The following URI1 variants were observed in gnomAD, a reference collection of about 807,000 sequenced individuals.
URI1 encodes the protein unconventional prefoldin RPB5 interactor 1.
URI1 carries 39 observed loss-of-function variants against 60.2 expected under a neutral mutation model. That is an observed-to-expected ratio of 0.65 (90% CI 0.50 to 0.85). The LOEUF (loss-of-function observed/expected upper bound fraction) is 0.85. Ranked by LOEUF, URI1 falls within the 40% of genes least tolerant of loss-of-function variation. The pLI is 0.00. For synonymous variants in URI1, 251 were observed against 236.8 expected (o/e 1.06, Z -0.55); for missense variants, 691 against 665.9 (o/e 1.04, Z -0.42).
In URI1 at chr19:29,956,251, C is replaced by T. The variant is rs1320682606; in HGVS notation, c.117+13587C>T. 1.0e-5 allele frequency: 6 copies of T among 587,764 alleles called. No homozygotes were observed. In the Admixed American group the frequency reaches 1.1e-4, roughly 11 times the overall value. The allele number at this position is 587,764 out of a possible 1,614,324, so 36.4% of individuals were successfully genotyped here. A position where few individuals can be genotyped will look rare whatever the true frequency, so the allele number is the denominator to read the frequency against. ...CTGTCTTCGGCCTCCCAAAATTTTA[C>T]AGGCATGAGCCACGGCGCCTGGCCC... On this transcript the variant is annotated intron_variant, in intron 1 of 10. Transcript: ENST00000392271.
chr19:29,991,720 G>A (rs929190058), intron 4 of URI1, among the ~76,000 whole-genome samples: 1 of 152,172 alleles, frequency 6.6e-6, no homozygotes, highest in Non-Finnish European at 1.5e-5. Context: ...TTATTGTTAA[G>A]TGTGTGTTAG....
Position 29,942,272 on chromosome 19 carries a change from G to A in URI1, c.-276G>A. The stretch of plus-strand genomic sequence containing the variant: ...AGGCGCGGCCGCCACGCGACGCCTG[G>A]CTGGGCCCGCACCGGAGAGGCGTCT... On this transcript the variant is annotated 5_prime_UTR_variant, in exon 1 of 11. Coordinates refer to ENST00000392271, the MANE Select transcript of URI1 (RefSeq NM_003796.3). 1 of 984,788 alleles carries A rather than the reference G, an allele frequency of 1.0e-6. No homozygotes were observed. Among genetic ancestry groups the A allele is most frequent in the African/African-American group, 1.7e-5 (1 of 57,234 alleles). The allele number at this position is 984,788 out of a possible 1,614,324, so 61.0% of individuals were successfully genotyped here.
intron 1 of URI1, among the ~76,000 whole-genome samples, chr19:29,968,911 A>G (rs932579935): frequency 6.6e-6 from 1 of 152,022 alleles, no homozygotes; most frequent in African/African-American, 2.4e-5. Context: ...TTGCTGTGAA[A>G]TAGAAGACAA....
intron 2 of URI1, among the ~76,000 whole-genome samples, chr19:29,977,763 T>C (rs1231167314): frequency 1.3e-5 from 2 of 151,950 alleles, no homozygotes; most frequent in Admixed American, 6.6e-5. Context: ...CGCTAGTGAT[T>C]AAGTGAGTTT....
In URI1 at chr19:29,955,290, G is replaced by T. The variant is rs183015911; in HGVS notation, c.117+12626G>T. ...CCTTATCATATTTTGTGGTTGCATA[G>T]TGCTTTATGTCTGTGTCATCAGATA... On this transcript the variant is annotated intron_variant, in intron 1 of 10. Coordinates refer to ENST00000392271, the MANE Select transcript of URI1 (RefSeq NM_003796.3). Among the ~76,000 whole-genome samples, 479 of 152,118 alleles carry T rather than the reference G, an allele frequency of 3.1e-3. 1 individual carries two copies. Among genetic ancestry groups the T allele is most frequent in the African/African-American group, 0.011 (466 of 41,518 alleles).
rs2056077288 is a variant in URI1 at position 30,015,660 on chromosome 19, G to C, written c.*591G>C. On this transcript the variant is annotated 3_prime_UTR_variant, in exon 11 of 11. Coordinates refer to ENST00000392271, the MANE Select transcript of URI1 (RefSeq NM_003796.3). Reference sequence around the variant, plus strand: ...GAAAATTTCTTTGGAAAGATATTTTGTAAAACTTTTTTTTCCAAGTAAAAA... The same window carrying C: ...GAAAATTTCTTTGGAAAGATATTTTCTAAAACTTTTTTTTCCAAGTAAAAA... 5 of 1,395,322 alleles carry C rather than the reference G, an allele frequency of 3.6e-6. No homozygotes were observed. Among genetic ancestry groups the C allele is most frequent in the Non-Finnish European group, 4.8e-6 (5 of 1,044,754 alleles). 86.4% of individuals were successfully genotyped at this position (1,395,322 alleles called of 1,614,324 possible).
intron 1 of URI1, among the ~76,000 whole-genome samples, chr19:29,945,744 T>C (rs2055095186): frequency 6.6e-6 from 1 of 152,166 alleles, no homozygotes; most frequent in African/African-American, 2.4e-5. Context: ...ACAGTATGTA[T>C]AGGGTGGTTC....
chr19:29,934,606 G>A (rs2054952507), intron 1 of URI1, among the ~76,000 whole-genome samples: 1 of 152,216 alleles, frequency 6.6e-6, no homozygotes, highest in Admixed American at 6.5e-5. Flanking sequence ...TGAGCTCATA[G>A]CTCACTGCAG....
chr19:29,927,207 T>C (rs2145189401), intron 1 of URI1, among the ~76,000 whole-genome samples: 1 of 151,434 alleles, frequency 6.6e-6, no homozygotes, highest in East Asian at 1.9e-4. Context: ...TCACATAGGA[T>C]CACAAATTCC....
intron 4 of URI1, among the ~76,000 whole-genome samples, chr19:29,987,023 G>T (rs2055680248): frequency 6.6e-6 from 1 of 152,016 alleles, no homozygotes; most frequent in African/African-American, 2.4e-5. Flanking sequence ...TTATCTGTAG[G>T]TGTATAGAAG....
intron 1 of URI1, among the ~76,000 whole-genome samples, chr19:29,924,761 CCCTAGGG>C (rs1315504850): frequency 6.6e-6 from 1 of 152,218 alleles, no homozygotes; most frequent in Non-Finnish European, 1.5e-5. Context: ...CTCCACTGCT[CCCTAGGG>C]CTCCCAGGAG....
chr19:29,963,474 C>T (rs1266988788), intron 1 of URI1, among the ~76,000 whole-genome samples: 1 of 152,076 alleles, frequency 6.6e-6, no homozygotes, highest in African/African-American at 2.4e-5. Context: ...GTGAAAATTG[C>T]TATTTTTAAA....
At chr19:29,990,550 A>T (rs1259952711) in intron 4 of URI1, among the ~76,000 whole-genome samples, 1 of 152,246 alleles carries the variant, frequency 6.6e-6, no homozygotes, top group Non-Finnish European at 1.5e-5. Context: ...ATGCAGTGGA[A>T]TGTTGTTTGG....
chr19:29,989,759 C>T (rs756777918), intron 4 of URI1, among the ~76,000 whole-genome samples: 4 of 74,908 alleles, frequency 5.3e-5, no homozygotes, highest in Admixed American at 1.6e-4. Context: ...TTCTTACTGT[C>T]GTTTTGAGAG....
At chr19:29,941,850 G>A (rs561861941), upstream of URI1, among the ~76,000 whole-genome samples, 4 of 152,226 alleles carry the variant, frequency 2.6e-5, no homozygotes, top group South Asian at 8.3e-4. Flanking sequence ...TTATGAAACA[G>A]CTCTAGTACA....
chr19:29,971,129 C>CT, intron 1 of URI1, 64 bp from the exon 2 acceptor site: 1 of 1,512,616 alleles, frequency 6.6e-7, no homozygotes, highest in East Asian at 2.3e-5. Context: ...TTCAGATACA[C>CT]TGATTTTTGT....
In URI1 at chr19:30,014,947, G is replaced by A; in HGVS notation, c.1486G>A (p.Ala496Thr). 6.2e-7 allele frequency: 1 copy of A among 1,613,702 alleles called. No homozygotes were observed. The highest frequency in any genetic ancestry group is 8.5e-7 in the Non-Finnish European group (1 of 1,179,712). The stretch of plus-strand genomic sequence containing the variant: ...ATCACCTTCCTTAACACCACCCCCA[G>A]CCATTGCTCATCCCGCACTACCCAC... ...FVSPSLTPPP[A>T]IAHPALPTIP... The change falls in exon 11 of 11, where the codon GCC becomes ACC. Residue 496 changes from alanine to threonine, a missense_variant. Coordinates refer to ENST00000392271, the MANE Select transcript of URI1 (RefSeq NM_003796.3).
chr19:29,951,498 A>G (rs1406701681), intron 1 of URI1, among the ~76,000 whole-genome samples: 2 of 150,254 alleles, frequency 1.3e-5, no homozygotes, highest in African/African-American at 4.9e-5. Context: ...TGATGTTCAA[A>G]TTGTTCTAAA....
chr19:29,966,941 A>G (rs2055398230), intron 1 of URI1, among the ~76,000 whole-genome samples: 1 of 152,240 alleles, frequency 6.6e-6, no homozygotes, highest in African/African-American at 2.4e-5. Flanking sequence ...TGAGAAAAGT[A>G]TCAAAGATGA....
Sources: gnomAD v4.1 joint callset for allele counts (sites outside exome capture counted in the v4.1 genomes callset) on GRCh38, gnomAD v4.1.1 for gene constraint, MANE v1.5 for transcripts, NCBI Gene and HGNC (gene_info 2026-07-23, HGNC 2026-07-21) for gene names.